KIF26B: variants seen among roughly 807,000 people sequenced by gnomAD.
KIF26B encodes kinesin family member 26B.
In KIF26B, 63 loss-of-function variants were observed where a neutral mutation model predicts 151.2. The ratio of observed to expected loss-of-function variants is 0.42; its 90% CI spans 0.34 to 0.51. The LOEUF is 0.51. Ranked by LOEUF, KIF26B falls within the 20% of genes least tolerant of loss-of-function variation. The pLI is 0.07. For synonymous variants in KIF26B, 1,357 were observed against 1,262.1 expected, an observed-to-expected ratio of 1.08 and a Z score of -1.59; for missense variants, 2,813 against 2,913.6, an observed-to-expected ratio of 0.97 and a Z score of 0.79.
chr1:245,664,880 A>C (rs1163288491), intron 10 of KIF26B, among the ~76,000 whole-genome samples: 1 of 152,160 alleles, frequency 6.6e-6, no homozygotes, highest in Non-Finnish European at 1.5e-5. Context: ...TGCCTTACCT[A>C]TATATTTACA....
At chr1:245,376,526 C>T (rs1673277257) in intron 3 of KIF26B, among the ~76,000 whole-genome samples, 1 of 152,002 alleles carries the variant, frequency 6.6e-6, no homozygotes, top group South Asian at 2.1e-4. Context: ...AGTCCAAGAA[C>T]CACAGTGTTA....
chr1:245,381,784 T>A (rs1156813719), intron 3 of KIF26B, among the ~76,000 whole-genome samples: 1 of 152,208 alleles, frequency 6.6e-6, no homozygotes, highest in South Asian at 2.1e-4. Flanking sequence ...TTTCCGTGAA[T>A]CTGACTGCTC....
chr1:245,315,710 CAAA>C (rs34972152), intron 2 of KIF26B, among the ~76,000 whole-genome samples: 35 of 119,500 alleles, frequency 2.9e-4, no homozygotes, highest in Non-Finnish European at 3.2e-4. Context: ...TGACAGAGTG[CAAA>C]AAAAAAAAAA....
chr1:245,471,849 T>C (rs2103064146), intron 4 of KIF26B, among the ~76,000 whole-genome samples: 1 of 151,952 alleles, frequency 6.6e-6, no homozygotes, highest in South Asian at 2.1e-4. Flanking sequence ...TGGAGTGCAA[T>C]GGCACGATCT....
intron 4 of KIF26B, among the ~76,000 whole-genome samples, chr1:245,442,350 A>G (rs2103047729): frequency 6.6e-6 from 1 of 152,208 alleles, no homozygotes; most frequent in South Asian, 2.1e-4. Context: ...TTGAGAAGGG[A>G]TGCTGTTTTC....
intron 4 of KIF26B, among the ~76,000 whole-genome samples, chr1:245,531,280 G>A (rs967907278): frequency 9.9e-5 from 15 of 152,094 alleles, no homozygotes; most frequent in African/African-American, 3.6e-4. Context: ...TAAAATAACT[G>A]CTTTCATTTA....
At chr1:245,397,485 G>A (rs1439122518) in intron 3 of KIF26B, among the ~76,000 whole-genome samples, 2 of 152,088 alleles carry the variant, frequency 1.3e-5, no homozygotes, top group Non-Finnish European at 2.9e-5. Flanking sequence ...CAAAGTGCTG[G>A]GATTACAGGC....
intron 2 of KIF26B, among the ~76,000 whole-genome samples, chr1:245,181,730 T>C (rs1403667222): frequency 6.6e-6 from 1 of 152,030 alleles, no homozygotes; most frequent in Non-Finnish European, 1.5e-5. Flanking sequence ...TCTTGGGAAA[T>C]GGTGATTTTT....
chr1:245,625,828 G>T (rs559409876), intron 9 of KIF26B, among the ~76,000 whole-genome samples: 183 of 137,502 alleles, frequency 1.3e-3, no homozygotes, highest in African/African-American at 4.7e-3. Context: ...CCCAGCCTCT[G>T]GTATCTACCA....
At chr1:245,309,180 C>G (rs1171949646) in intron 2 of KIF26B, among the ~76,000 whole-genome samples, 6 of 152,116 alleles carry the variant, frequency 3.9e-5, no homozygotes. Context: ...CCTGGAATAC[C>G]AGGGATTATT....
intron 10 of KIF26B, among the ~76,000 whole-genome samples, chr1:245,668,257 G>A (rs1340129387): frequency 3.9e-5 from 6 of 152,184 alleles, no homozygotes; most frequent in African/African-American, 1.4e-4. Context: ...TTAGGGTCTT[G>A]CAGGGATAAC....
rs1046454983 is a variant in KIF26B, at chr1:245,244,458, A to C, written c.465+87775A>C. On this transcript the variant is annotated intron_variant, in intron 2 of 14. Coordinates refer to ENST00000407071, the MANE Select transcript of KIF26B (RefSeq NM_018012.4). The surrounding 1 kb of genome is among the most constrained non-coding windows in gnomAD (Gnocchi z 4.2). ...ATTTTGCTTTTAAAGTTCTGTGACT[A>C]TGGGATGGCACTCTAAGCTTCAGCT... is the stretch of plus-strand genomic sequence containing the variant. 6.6e-6 allele frequency among the ~76,000 whole-genome samples: 1 copy of C among 152,090 alleles called. No individual in the cohort carries two copies. Among genetic ancestry groups the C allele is most frequent in the Non-Finnish European group, 1.5e-5 (1 of 68,014 alleles).
Position 245,564,594 on chromosome 1 carries a change from C to T in KIF26B, c.1350+23644C>T, listed in dbSNP as rs1444256729. Among the ~76,000 whole-genome samples the T allele has an allele frequency of 1.3e-5, 2 of 152,156 alleles. No individual in the cohort carries two copies. On this transcript the variant is annotated intron_variant, in intron 5 of 14. Transcript: ENST00000407071. This position sits in a 1 kb window ranked among gnomAD's most constrained non-coding sequence, Gnocchi z 4.6. Reference sequence around the variant, plus strand: ...CGAAGCATCAACAAAGGCTTTTTCACTGAAATCCAAACTCAAGGTGTATAC... The same window carrying T: ...CGAAGCATCAACAAAGGCTTTTTCATTGAAATCCAAACTCAAGGTGTATAC...
chr1:245,550,698 T>C (rs1292239925), intron 5 of KIF26B, among the ~76,000 whole-genome samples: 10 of 152,190 alleles, frequency 6.6e-5, no homozygotes, highest in Admixed American at 5.2e-4. Flanking sequence ...TGGCGTGTTA[T>C]GTCCCGGGGT....
At chr1:245,387,106 A>G (rs1412595892) in intron 3 of KIF26B, among the ~76,000 whole-genome samples, 1 of 151,994 alleles carries the variant, frequency 6.6e-6, no homozygotes, top group Non-Finnish European at 1.5e-5. Flanking sequence ...TAAATGTTGT[A>G]TGGTAGGGTG....
chr1:245,421,438 C>G (rs1658485354), intron 4 of KIF26B, among the ~76,000 whole-genome samples: 1 of 152,102 alleles, frequency 6.6e-6, no homozygotes, highest in Non-Finnish European at 1.5e-5. Flanking sequence ...AGACGGACCT[C>G]CCAGCTCAGA....
chr1:245,323,344 G>A (rs921764861), intron 2 of KIF26B, among the ~76,000 whole-genome samples: 2 of 152,142 alleles, frequency 1.3e-5, no homozygotes, highest in East Asian at 1.9e-4. Flanking sequence ...GTTGAGAGAG[G>A]TTATGGTTCC....
Position 245,167,258 on chromosome 1 carries a change from A to G in KIF26B, c.465+10575A>G, listed in dbSNP as rs1010484640. On this transcript the variant is annotated intron_variant, in intron 2 of 14. Transcript: ENST00000407071. The surrounding 1 kb of genome is among the most constrained non-coding windows in gnomAD (Gnocchi z 4.2). ...TCCGCTTTTCTATCACAGGGGTGAC[A>G]AATAGAAACTTTTATTTTGATATGT... Among the ~76,000 whole-genome samples the G allele has an allele frequency of 6.6e-6, 1 of 152,116 alleles. No homozygotes were observed. The highest frequency in any genetic ancestry group is 1.5e-5 in the Non-Finnish European group (1 of 68,022).
intron 10 of KIF26B, among the ~76,000 whole-genome samples, chr1:245,678,610 T>C (rs1046556113): frequency 1.3e-5 from 2 of 152,200 alleles, no homozygotes; most frequent in South Asian, 4.2e-4. Context: ...ACGCCTGTAA[T>C]CCCAGCACTT....
Sources: gnomAD v4.1 joint callset for allele counts (sites outside exome capture counted in the v4.1 genomes callset) on GRCh38, gnomAD v4.1.1 for gene constraint, Gnocchi (gnomAD v3.1) non-coding constraint, MANE v1.5 for transcripts, NCBI Gene and HGNC (gene_info 2026-07-23, HGNC 2026-07-21) for gene names.